The following CNTNAP5 variants were observed in gnomAD, a reference collection of about 807,000 sequenced individuals.
CNTNAP5 encodes the protein contactin associated protein family member 5.
CNTNAP5 carries 72 observed loss-of-function variants against 150.2 expected under a neutral mutation model. The ratio of observed to expected loss-of-function variants is 0.48; its 90% CI spans 0.40 to 0.58. CNTNAP5 has a LOEUF of 0.58. CNTNAP5 is among the 20% of genes least tolerant of loss of function. The probability of loss-of-function intolerance (pLI) is 0.00; values close to 1 mark genes in which losing one functional copy is unlikely to be tolerated. For synonymous variants in CNTNAP5, 672 were observed against 619.8 expected (o/e 1.08, Z -1.25); for missense variants, 1,636 against 1,626.2 (o/e 1.01, Z -0.10).
At chr2:124,073,446 T>C (rs1177733737) in intron 1 of CNTNAP5, among the ~76,000 whole-genome samples, 1 of 152,098 alleles carries the variant, frequency 6.6e-6, no homozygotes, top group Non-Finnish European at 1.5e-5. Context: ...TGACAACATA[T>C]TTGCAAACTA....
At chr2:124,145,356 G>A (rs1267528389) in intron 1 of CNTNAP5, among the ~76,000 whole-genome samples, 2 of 28,444 alleles carry the variant, frequency 7.0e-5, no homozygotes, top group East Asian at 2.0e-3. Flanking sequence ...TATGTTTATT[G>A]TGGCATTATT....
At chr2:124,795,752 G>T (rs1230675515) in intron 18 of CNTNAP5, among the ~76,000 whole-genome samples, 1 of 152,112 alleles carries the variant, frequency 6.6e-6, no homozygotes, top group Non-Finnish European at 1.5e-5. Flanking sequence ...CCTGACCTCG[G>T]GTGATCCACC....
intron 1 of CNTNAP5, among the ~76,000 whole-genome samples, chr2:124,041,398 A>G (rs918489152): frequency 3.9e-5 from 6 of 152,178 alleles, no homozygotes; most frequent in South Asian, 2.1e-4. Context: ...TTTACACACC[A>G]TCCACTGCTT....
intron 11 of CNTNAP5, among the ~76,000 whole-genome samples, chr2:124,602,338 CA>C (rs35316532): frequency 0.039 from 3,474 of 89,730 alleles, 81 homozygotes; most frequent in African/African-American, 0.13. Context: ...AAGACTTCAC[CA>C]AAAAAAAAAA....
intron 3 of CNTNAP5, among the ~76,000 whole-genome samples, chr2:124,262,964 A>G (rs1345264441): frequency 2.6e-5 from 4 of 151,982 alleles, no homozygotes; most frequent in East Asian, 1.9e-4. Context: ...CCATGTCCCT[A>G]CAAAGGACAT....
chr2:124,909,826 C>CACATATATATATATATATAT (rs1553454759), intron 22 of CNTNAP5, among the ~76,000 whole-genome samples: 1 of 74,612 alleles, frequency 1.3e-5, no homozygotes, highest in Non-Finnish European at 2.5e-5. Flanking sequence ...CAATTGGTGA[C>CACATATATATATATATATAT]ATATATATAT....
intron 12 of CNTNAP5, among the ~76,000 whole-genome samples, chr2:124,628,288 C>CA (rs778738262): frequency 4.0e-5 from 6 of 151,846 alleles, no homozygotes; most frequent in African/African-American, 4.8e-5. Flanking sequence ...TGAAATGAAG[C>CA]AAAAAAATGT....
intron 1 of CNTNAP5, among the ~76,000 whole-genome samples, chr2:124,061,200 T>C (rs1442122267): frequency 6.6e-6 from 1 of 152,236 alleles, no homozygotes; most frequent in Non-Finnish European, 1.5e-5. Flanking sequence ...GCCTTGTTAC[T>C]GCATTTCACC....
chr2:124,660,621 A>G (rs990723470), intron 13 of CNTNAP5, among the ~76,000 whole-genome samples: 2 of 148,238 alleles, frequency 1.3e-5, no homozygotes, highest in African/African-American at 4.9e-5. Context: ...TATTTTTTAT[A>G]CCAAATCTTC....
intron 13 of CNTNAP5, among the ~76,000 whole-genome samples, chr2:124,665,364 AAT>A (rs1412947160): frequency 6.6e-6 from 1 of 152,234 alleles, no homozygotes; most frequent in Non-Finnish European, 1.5e-5. Flanking sequence ...GCTAACATCA[AAT>A]ATTTGGTTAA....
At chr2:124,215,265 C>G (rs1686124438) in intron 1 of CNTNAP5, among the ~76,000 whole-genome samples, 1 of 152,134 alleles carries the variant, frequency 6.6e-6, no homozygotes. Flanking sequence ...CCGTGGTAAT[C>G]AAGACGATGC....
chr2:124,269,693 C>A (rs1317448282), intron 3 of CNTNAP5, among the ~76,000 whole-genome samples: 1 of 152,274 alleles, frequency 6.6e-6, no homozygotes, highest in South Asian at 2.1e-4. Context: ...GATAAGGCAG[C>A]TGCACAATTG....
intron 7 of CNTNAP5, among the ~76,000 whole-genome samples, chr2:124,499,742 C>T (rs543085663): frequency 6.6e-6 from 1 of 152,314 alleles, no homozygotes; most frequent in Admixed American, 6.5e-5. Context: ...GCAAATTTCT[C>T]ATAGATCTGT....
chr2:124,531,308 C>T (rs76028847), intron 10 of CNTNAP5, among the ~76,000 whole-genome samples: 3,627 of 152,172 alleles, frequency 0.024, 69 homozygotes, highest in South Asian at 0.095. Flanking sequence ...TAAGTACAGA[C>T]GAAGCTTTGC....
chr2:124,452,506 C>T (rs1333565836), intron 6 of CNTNAP5, among the ~76,000 whole-genome samples: 3 of 152,094 alleles, frequency 2.0e-5, no homozygotes, highest in African/African-American at 7.3e-5. Flanking sequence ...GATCTGGGGC[C>T]CTGGCCACCA....
intron 1 of CNTNAP5, among the ~76,000 whole-genome samples, chr2:124,092,229 G>T (rs1573747734): frequency 6.6e-6 from 1 of 152,296 alleles, no homozygotes; most frequent in Middle Eastern, 3.4e-3. Flanking sequence ...TAGCCTATTA[G>T]AGTAAAGCCA....
intron 3 of CNTNAP5, among the ~76,000 whole-genome samples, chr2:124,395,977 A>T (rs1691232679): frequency 6.6e-6 from 1 of 152,202 alleles, no homozygotes; most frequent in Admixed American, 6.5e-5. Context: ...ACCTTGCTAC[A>T]GTACCATGCA....
rs2104833635 is a variant in CNTNAP5 at position 124,474,730 on chromosome 2, C to T, written c.919-9C>T. The stretch of plus-strand genomic sequence containing the variant: ...AACTAAGAGTTTGTTTCTATTTTCA[C>T]CCCAAAAGCTTAGTTTTGGAGGAAT... On this transcript the variant is annotated splice_polypyrimidine_tract_variant and intron_variant, in intron 6 of 23. Coordinates refer to ENST00000682447, the MANE Select transcript of CNTNAP5 (RefSeq NM_001367498.1). 1.3e-6 allele frequency: 2 copies of T among 1,548,946 alleles called. No homozygotes were observed. The highest frequency in any genetic ancestry group is 1.7e-4 in the Middle Eastern group (1 of 5,842).
At chr2:124,527,068 C>T (rs954463286) in intron 9 of CNTNAP5, among the ~76,000 whole-genome samples, 8 of 152,096 alleles carry the variant, frequency 5.3e-5, no homozygotes, top group Non-Finnish European at 1.0e-4. Flanking sequence ...CCCTTTGCCA[C>T]GCTTTTTATT....
Sources: gnomAD v4.1 joint callset for allele counts (sites outside exome capture counted in the v4.1 genomes callset) on GRCh38, gnomAD v4.1.1 for gene constraint, MANE v1.5 for transcripts, NCBI Gene and HGNC (gene_info 2026-07-23, HGNC 2026-07-21) for gene names.